The following GALNTL6 variants were observed in gnomAD, a reference collection of about 807,000 sequenced individuals.
GALNTL6 encodes polypeptide N-acetylgalactosaminyltransferase-like 6.
A neutral mutation model predicts 73.7 loss-of-function variants in GALNTL6; 46 were observed. That is an observed-to-expected ratio of 0.62 (90% confidence interval 0.49 to 0.80). The LOEUF is 0.80. GALNTL6 is among the 30% of genes least tolerant of loss of function. The pLI, the probability that GALNTL6 is intolerant of heterozygous loss-of-function variation, is 0.00. For synonymous variants in GALNTL6, 259 were observed against 263.7 expected (o/e 0.98, Z 0.17); for missense variants, 604 against 755.0 (o/e 0.80, Z 2.34).
chr4:172,571,806 T>C (rs1041769053), intron 5 of GALNTL6, among the ~76,000 whole-genome samples: 2 of 152,224 alleles, frequency 1.3e-5, no homozygotes, highest in Admixed American at 6.5e-5. Flanking sequence ...AATAACATGT[T>C]TTCATGGCCT....
At chr4:172,650,608 G>T (rs1211268845) in intron 5 of GALNTL6, among the ~76,000 whole-genome samples, 1 of 152,026 alleles carries the variant, frequency 6.6e-6, no homozygotes, top group Non-Finnish European at 1.5e-5. Flanking sequence ...TAAAAACCTG[G>T]CCCAATACTG....
chr4:172,552,837 T>TAA (rs397933315), intron 5 of GALNTL6, among the ~76,000 whole-genome samples: 1,815 of 80,390 alleles, frequency 0.023, 120 homozygotes, highest in African/African-American at 0.092. Flanking sequence ...GTAATTGCAG[T>TAA]AAAAAAAAAA....
At chr4:172,456,819 A>T (rs1471706014) in intron 5 of GALNTL6, among the ~76,000 whole-genome samples, 3 of 152,176 alleles carry the variant, frequency 2.0e-5, no homozygotes, top group Non-Finnish European at 4.4e-5. Flanking sequence ...TTAGCAAGGC[A>T]GGCCAACATT....
At chr4:172,105,112 A>T (rs1732640118) in intron 2 of GALNTL6, among the ~76,000 whole-genome samples, 2 of 152,154 alleles carry the variant, frequency 1.3e-5, no homozygotes, top group Admixed American at 1.3e-4. Context: ...AGAAAAAGAA[A>T]CCTAATGTGA....
chr4:172,858,107 AT>A (rs1447729028), intron 7 of GALNTL6, among the ~76,000 whole-genome samples: 2 of 152,268 alleles, frequency 1.3e-5, no homozygotes, highest in African/African-American at 4.8e-5. Context: ...CCCAAAATGC[AT>A]TTTTCAATGG....
chr4:172,574,939 TACAC>T (rs33997885), intron 5 of GALNTL6, among the ~76,000 whole-genome samples: 70,408 of 149,904 alleles, frequency 0.47, 18,012 homozygotes, highest in East Asian at 0.66. Context: ...CACGCACACA[TACAC>T]ACACACACAC....
chr4:172,152,946 A>G (rs1288485309), intron 2 of GALNTL6, among the ~76,000 whole-genome samples: 3 of 152,224 alleles, frequency 2.0e-5, no homozygotes, highest in Non-Finnish European at 4.4e-5. Context: ...TTGGGGAAGC[A>G]GTCAAATGAT....
intron 2 of GALNTL6, among the ~76,000 whole-genome samples, chr4:171,972,546 T>C (rs961012891): frequency 5.3e-5 from 8 of 152,106 alleles, no homozygotes; most frequent in African/African-American, 1.9e-4. Context: ...TAATAAATTA[T>C]ACCTGGTCAT....
At chr4:171,997,049 C>A (rs1740516298) in intron 2 of GALNTL6, among the ~76,000 whole-genome samples, 1 of 152,070 alleles carries the variant, frequency 6.6e-6, no homozygotes, top group Admixed American at 6.6e-5. Context: ...ACAGAAAGAA[C>A]ATTGTATTTG....
At chr4:172,606,612 A>G (rs1443911389) in intron 5 of GALNTL6, among the ~76,000 whole-genome samples, 25 of 38,136 alleles carry the variant, frequency 6.6e-4, no homozygotes, top group Admixed American at 4.9e-3. Flanking sequence ...ACATATATAC[A>G]TATATAGTAT....
chr4:172,971,494 G>A (rs1311507738), intron 10 of GALNTL6, among the ~76,000 whole-genome samples: 2 of 152,156 alleles, frequency 1.3e-5, no homozygotes, highest in Admixed American at 6.6e-5. Flanking sequence ...TATATAATCT[G>A]ACAATGTAGA....
intron 2 of GALNTL6, among the ~76,000 whole-genome samples, chr4:171,949,880 T>A (rs1012722160): frequency 3.4e-4 from 52 of 152,240 alleles, no homozygotes; most frequent in Admixed American, 1.3e-3. Flanking sequence ...GGCAACCTAG[T>A]TGTAAAAAGA....
intron 5 of GALNTL6, among the ~76,000 whole-genome samples, chr4:172,568,298 C>T (rs935279243): frequency 6.6e-6 from 1 of 152,132 alleles, no homozygotes; most frequent in Non-Finnish European, 1.5e-5. Flanking sequence ...AACTTGGCGG[C>T]TGATTTGTCT....
chr4:172,857,038 ATT>A (rs1744157072), intron 7 of GALNTL6, among the ~76,000 whole-genome samples: 1 of 152,164 alleles, frequency 6.6e-6, no homozygotes, highest in Non-Finnish European at 1.5e-5. Context: ...TCACAACCTA[ATT>A]ACAGGATTTT....
intron 2 of GALNTL6, among the ~76,000 whole-genome samples, chr4:171,961,243 G>A (rs891940083): frequency 1.3e-5 from 2 of 152,082 alleles, no homozygotes; most frequent in Non-Finnish European, 2.9e-5. Context: ...GCCAACAAAA[G>A]CCCCTTGGGT....
intron 3 of GALNTL6, among the ~76,000 whole-genome samples, chr4:172,271,648 C>T (rs916337424): frequency 3.7e-4 from 56 of 151,816 alleles, no homozygotes; most frequent in African/African-American, 1.3e-3. Flanking sequence ...TTATGTAATG[C>T]ATATATTGAA....
At chr4:171,944,994 T>C in intron 2 of GALNTL6, among the ~76,000 whole-genome samples, 1 of 152,054 alleles carries the variant, frequency 6.6e-6, no homozygotes, top group Non-Finnish European at 1.5e-5. Flanking sequence ...ATAGAAAATA[T>C]TAGTGGCAGG....
chr4:172,159,128 C>T (rs572163503), intron 2 of GALNTL6, among the ~76,000 whole-genome samples: 20 of 152,212 alleles, frequency 1.3e-4, no homozygotes, highest in African/African-American at 2.6e-4. Context: ...TAGATTAAGG[C>T]GCAACTCCAG....
intron 5 of GALNTL6, among the ~76,000 whole-genome samples, chr4:172,470,233 T>C (rs1732996572): frequency 6.6e-6 from 1 of 152,206 alleles, no homozygotes; most frequent in Non-Finnish European, 1.5e-5. Flanking sequence ...ATCATTGTCC[T>C]CACATCACAG....
Sources: allele counts gnomAD v4.1 joint callset (sites outside exome capture counted in the v4.1 genomes callset), GRCh38; gene constraint gnomAD v4.1.1; transcripts MANE v1.5; gene names NCBI Gene and HGNC (gene_info 2026-07-23, HGNC 2026-07-21).